Variants in TRPM5 observed in about 807,000 individuals in gnomAD.
The protein encoded by TRPM5 is transient receptor potential cation channel subfamily M member 5, also known as MLSN1 and TRP-related.
Under a neutral mutation model 124.9 loss-of-function variants are expected in TRPM5, and 121 were observed. The ratio of observed to expected loss-of-function variants is 0.97; its 90% CI spans 0.84 to 1.13. The LOEUF (loss-of-function observed/expected upper bound fraction) is 1.13. Among genes scored for constraint, TRPM5 ranks in the 50% most tolerant of loss-of-function variants. The probability of loss-of-function intolerance (pLI) is 0.00; values close to 1 mark genes in which losing one functional copy is unlikely to be tolerated. For synonymous variants in TRPM5, 781 were observed against 700.5 expected (o/e 1.11, Z -1.81); for missense variants, 1,643 against 1,589.1 (o/e 1.03, Z -0.58).
At chr11:2,414,019 C>CCCCCCCCCCCGCCGG in intron 12 of TRPM5, 42 bp downstream of exon 17, 1 of 1,519,906 alleles carries the variant, frequency 6.6e-7, no homozygotes, top group Non-Finnish European at 8.9e-7. Context: ...GCCCGCCCAC[C>CCCCCCCCCCCGCCGG]CCACCCCCTG....
At chr11:2,422,023 C>G in intron 2 of TRPM5, 118 bp downstream of exon 7, 1 of 1,004,260 alleles carries the variant, frequency 1.0e-6, no homozygotes, top group Non-Finnish European at 1.4e-6. Context: ...GGGGGACAGT[C>G]AGGGGGTCTG....
chr11:2,443,740 C>G, the TRPM5 span, among the ~76,000 whole-genome samples: 300 of 152,234 alleles, frequency 2.0e-3, 1 homozygote, highest in African/African-American at 6.8e-3. This position sits in a 1 kb window ranked among gnomAD's most constrained non-coding sequence, Gnocchi z 5.0. Context: ...GGAGAGTCAC[C>G]GCTGAGCTCC....
chr11:2,423,342 C>T (rs1185013995), upstream of TRPM5, among the ~76,000 whole-genome samples: 1 of 152,210 alleles, frequency 6.6e-6, no homozygotes, highest in African/African-American at 2.4e-5. Context: ...CCTCTACTCA[C>T]CCCACTCAGG....
chr11:2,411,851 GCAGGGC>G, intron 16 of TRPM5, 84 bp from the exon 22 acceptor site: 3 of 1,540,342 alleles, frequency 1.9e-6, no homozygotes, highest in Admixed American at 1.9e-5. Context: ...CTGGCTGCGG[GCAGGGC>G]CAGGGCCAGG....
intron 19 of TRPM5, 125 bp downstream of exon 24, chr11:2,407,634 C>T (rs1194764398): frequency 2.3e-6 from 3 of 1,282,786 alleles, no homozygotes; most frequent in Admixed American, 4.1e-5. Flanking sequence ...CTTCTATCTG[C>T]CCTGAGGCAC....
upstream of TRPM5, among the ~76,000 whole-genome samples, chr11:2,424,706 C>G (rs111253637): frequency 1.1e-4 from 17 of 152,344 alleles, no homozygotes; most frequent in African/African-American, 3.8e-4. Context: ...GAGGGCTTGG[C>G]CTTGCCGACA....
chr11:2,439,888 C>T, the TRPM5 span, among the ~76,000 whole-genome samples: 7 of 152,180 alleles, frequency 4.6e-5, no homozygotes, highest in Non-Finnish European at 8.8e-5. Flanking sequence ...CCATGTTCAT[C>T]GCAGCACTAT....
chr11:2,418,356 C>T, exon 6 of TRPM5: 1 of 1,548,446 alleles, frequency 6.5e-7, no homozygotes, highest in South Asian at 1.2e-5. Flanking sequence ...CCCTGGAGAT[C>T]CTCTGAGACG....
At chr11:2,442,467 C>T in the TRPM5 span, among the ~76,000 whole-genome samples, 1 of 151,584 alleles carries the variant, frequency 6.6e-6, no homozygotes. The surrounding 1 kb of genome is among the most constrained non-coding windows in gnomAD (Gnocchi z 5.9). Flanking sequence ...TCATATTGAT[C>T]ATGGCACTCC....
chr11:2,414,211 C>T lies in TRPM5; in HGVS notation c.1745-5G>A, dbSNP rs1449371097. On this transcript the variant is annotated splice_region_variant and splice_polypyrimidine_tract_variant and intron_variant, in intron 11 of 23. Coordinates refer to ENST00000155858, the Ensembl canonical transcript of TRPM5. ...TGTAGCACTCGGAGAAGAGGTCTGC[C>T]CCCGGAGGCCCTGGCCGCTAGGACG... is the stretch of plus-strand genomic sequence containing the variant. 6.2e-7 allele frequency: 1 copy of T among 1,606,160 alleles called. No individual in the cohort carries two copies. The highest frequency in any genetic ancestry group is 8.5e-7 in the Non-Finnish European group (1 of 1,176,986).
intron 23 of TRPM5, among the ~76,000 whole-genome samples, 193 bp from the exon 29 acceptor site, chr11:2,405,236 A>G (rs892992090): frequency 6.6e-6 from 1 of 152,242 alleles, no homozygotes; most frequent in Non-Finnish European, 1.5e-5. Context: ...CTAGGAAAGC[A>G]GCCCCCTTGA....
chr11:2,406,831 T>C, intron 20 of TRPM5, 38 bp from the exon 26 acceptor site: 1 of 1,591,918 alleles, frequency 6.3e-7, no homozygotes, highest in Non-Finnish European at 8.6e-7. Flanking sequence ...TACTAGAGCA[T>C]GTGGGCGTCA....
the TRPM5 span, among the ~76,000 whole-genome samples, chr11:2,429,394 ATGG>A: frequency 6.7e-6 from 1 of 149,904 alleles, no homozygotes; most frequent in Non-Finnish European, 1.5e-5. The surrounding 1 kb of genome is among the most constrained non-coding windows in gnomAD (Gnocchi z 8.4). Context: ...TGGTGTGTTG[ATGG>A]TGGTGTTTAT....
Position 2,415,067 on chromosome 11 carries a change from G to A in TRPM5, c.1480-20C>T. ...CTTCTCCTGGAGGACACGGGCGTCG[G>A]CCTCCTGCTGCGGCCCCAGCCTCGC... is the stretch of plus-strand genomic sequence containing the variant. On this transcript the variant is annotated intron_variant, in intron 9 of 23. Coordinates refer to ENST00000155858, the Ensembl canonical transcript of TRPM5. 1 of 1,592,734 alleles carries A rather than the reference G, an allele frequency of 6.3e-7. No individual in the cohort carries two copies. Among genetic ancestry groups the A allele is most frequent in the Non-Finnish European group, 8.5e-7 (1 of 1,175,344 alleles).
downstream of TRPM5, chr11:2,404,386 C>T (rs933919095): frequency 6.5e-6 from 1 of 153,550 alleles, no homozygotes; most frequent in African/African-American, 2.4e-5. Flanking sequence ...GTGTGCTGTA[C>T]TGGCCATCGG....
intron 23 of TRPM5, among the ~76,000 whole-genome samples, chr11:2,405,310 TCAAG>T (rs1241888000): frequency 6.6e-6 from 1 of 152,184 alleles, no homozygotes; most frequent in Non-Finnish European, 1.5e-5. Context: ...AGGCAGAGCC[TCAAG>T]AGTCTGAGTG....
intron 21 of TRPM5, 70 bp from the exon 27 acceptor site, chr11:2,406,161 C>T: frequency 1.3e-6 from 2 of 1,522,904 alleles, no homozygotes; most frequent in Non-Finnish European, 1.8e-6. Context: ...GCCTCCCCAT[C>T]CCCCCAGGCC....
intron 13 of TRPM5, 27 bp downstream of exon 18, chr11:2,413,449 G>C: frequency 6.3e-7 from 1 of 1,584,360 alleles, no homozygotes; most frequent in South Asian, 1.1e-5. Context: ...GCCTGTCCTG[G>C]CCGGGCAGCT....
intron 4 of TRPM5, among the ~76,000 whole-genome samples, chr11:2,419,148 C>T (rs1845730499): frequency 6.6e-6 from 1 of 152,196 alleles, no homozygotes; most frequent in Admixed American, 6.5e-5. Flanking sequence ...GGGAACTGGG[C>T]TCGCAGGCGG....
Sources: gnomAD v4.1 joint callset for allele counts (sites outside exome capture counted in the v4.1 genomes callset) on GRCh38, gnomAD v4.1.1 for gene constraint, Gnocchi (gnomAD v3.1) non-coding constraint, MANE v1.5 for transcripts, NCBI Gene and HGNC (gene_info 2026-07-23, HGNC 2026-07-21) for gene names.